Variants in TSGA10 observed in about 807,000 individuals in gnomAD.
TSGA10 encodes testis specific 10.
Under a neutral mutation model 96.6 loss-of-function variants are expected in TSGA10, and 43 were observed. That is an observed-to-expected ratio of 0.44 (90% confidence interval 0.35 to 0.57). TSGA10 has a LOEUF of 0.57. Ranked by LOEUF, TSGA10 falls within the 20% of genes least tolerant of loss-of-function variation. TSGA10 has a pLI of 0.01. For missense variants in TSGA10, 703 were observed against 834.4 expected (o/e 0.84, Z 1.94); for synonymous variants, 229 against 269.9 (o/e 0.85, Z 1.48).
chr2:99,011,347 G>T (rs560444973), intron 20 of TSGA10, among the ~76,000 whole-genome samples: 1,730 of 152,214 alleles, frequency 0.011, 33 homozygotes, highest in African/African-American at 0.039. Context: ...GGCCAGGCTG[G>T]TCTTGAACTC....
At chr2:99,045,453 T>C (rs2082669757) in intron 16 of TSGA10, among the ~76,000 whole-genome samples, 1 of 152,192 alleles carries the variant, frequency 6.6e-6, no homozygotes. Flanking sequence ...AAAAGAATTT[T>C]CAACGCAGAA....
At chr2:99,109,680 T>C (rs963242464) in intron 5 of TSGA10, 168 bp from the exon 6 acceptor site, 1 of 376,918 alleles carries the variant, frequency 2.7e-6, no homozygotes, top group Non-Finnish European at 4.2e-6. Flanking sequence ...AAATACAACA[T>C]TTAAAAAATT....
chr2:99,101,141 T>G (rs2090666355), intron 10 of TSGA10, among the ~76,000 whole-genome samples: 1 of 142,968 alleles, frequency 7.0e-6, no homozygotes, highest in Non-Finnish European at 1.5e-5. Context: ...GGCGGGCACC[T>G]GCTAAGGCAG....
rs141486016 is a variant in TSGA10, at chr2:99,115,426, T to C, written c.-140+2118A>G. Among the ~76,000 whole-genome samples, 1,005 of 152,136 alleles carry C rather than the reference T, an allele frequency of 6.6e-3. 13 individuals carry two copies. Among genetic ancestry groups the C allele is most frequent in the African/African-American group, 0.023 (973 of 41,490 alleles). On this transcript the variant is annotated intron_variant, in intron 4 of 20. Coordinates refer to ENST00000393483, the MANE Select transcript of TSGA10 (RefSeq NM_025244.4). Reference sequence around the variant, plus strand: ...AAAATATTCAAGCTACTTTTAAATATCCTTCAAATACTTTAACAGCATCCA... The same window carrying C: ...AAAATATTCAAGCTACTTTTAAATACCCTTCAAATACTTTAACAGCATCCA...
intron 16 of TSGA10, among the ~76,000 whole-genome samples, chr2:99,038,903 C>T (rs2081923732): frequency 6.6e-6 from 1 of 152,038 alleles, no homozygotes; most frequent in Admixed American, 6.5e-5. Flanking sequence ...AAACAAGTCT[C>T]AATAAATTTT....
At chr2:99,001,533 A>G (rs2077905273) in intron 20 of TSGA10, among the ~76,000 whole-genome samples, 1 of 152,234 alleles carries the variant, frequency 6.6e-6, no homozygotes, top group South Asian at 2.1e-4. Flanking sequence ...GGGAGAAACC[A>G]GAGCAGAAAA....
intron 1 of TSGA10, among the ~76,000 whole-genome samples, chr2:99,148,741 T>G (rs2093657736): frequency 6.6e-6 from 1 of 152,178 alleles, no homozygotes; most frequent in South Asian, 2.1e-4. Flanking sequence ...GGAGCTGAGG[T>G]GGGTGGATCA....
intron 12 of TSGA10, among the ~76,000 whole-genome samples, chr2:99,078,261 A>G (rs1444766373): frequency 8.1e-6 from 1 of 124,214 alleles, no homozygotes; most frequent in Admixed American, 9.3e-5. Context: ...AGGGAGGAAG[A>G]CTCCCGTTTG....
chr2:99,086,953 C>T (rs1454061631), intron 10 of TSGA10, among the ~76,000 whole-genome samples: 3 of 151,898 alleles, frequency 2.0e-5, no homozygotes, highest in South Asian at 2.1e-4. Context: ...GCCTGTAATC[C>T]CAGCACTTTG....
At position 98,997,558 on chromosome 2, in the gene TSGA10, T is replaced by C. The variant is rs1024498244; in HGVS notation, c.*639A>G. 2.6e-5 allele frequency: 4 copies of C among 152,178 alleles called. No homozygotes were observed. The highest frequency in any genetic ancestry group is 7.2e-5 in the African/African-American group (3 of 41,464). 9.4% of individuals were successfully genotyped at this position (152,178 alleles called of 1,614,324 possible). Reference sequence around the variant, plus strand: ...TAAAATCTTACATTCTTGACAGATATACCATCACCTACCTTTCTAAAAGCA... The same window carrying C: ...TAAAATCTTACATTCTTGACAGATACACCATCACCTACCTTTCTAAAAGCA... On this transcript the variant is annotated 3_prime_UTR_variant, in exon 21 of 21. Coordinates refer to ENST00000393483, the MANE Select transcript of TSGA10 (RefSeq NM_025244.4).
At chr2:99,067,593 C>T (rs1193232878) in intron 15 of TSGA10, among the ~76,000 whole-genome samples, 1 of 152,128 alleles carries the variant, frequency 6.6e-6, no homozygotes, top group Non-Finnish European at 1.5e-5. Flanking sequence ...TGGCTCATGC[C>T]TGTAATCCCA....
At chr2:99,112,345 C>T (rs569371711) in intron 4 of TSGA10, among the ~76,000 whole-genome samples, 47 of 152,260 alleles carry the variant, frequency 3.1e-4, no homozygotes, top group African/African-American at 1.1e-3. Flanking sequence ...GGAGCGCTCA[C>T]GTTCTAAGCA....
At chr2:99,137,642 G>C (rs1385290846) in intron 1 of TSGA10, among the ~76,000 whole-genome samples, 2 of 151,948 alleles carry the variant, frequency 1.3e-5, no homozygotes, top group Admixed American at 6.6e-5. Context: ...TATCAGTGTG[G>C]AGAATAGGTT....
chr2:99,035,410 G>A lies in TSGA10; in HGVS notation c.1434C>T (p.Ser478=), dbSNP rs748561588. ...QHLNAERSYK[S]QISTLHKSVV... is the part of the protein sequence containing the mutation. ...CAGATTTATGTAAGGTAGAAATCTG[G>A]GACTTGTAAGACCTTTCTGCATTTA... is the stretch of plus-strand genomic sequence containing the variant. Residue 478 remains serine, a synonymous_variant, in exon 17 of 21, where the codon TCC becomes TCT. Coordinates refer to ENST00000393483, the MANE Select transcript of TSGA10 (RefSeq NM_025244.4). 36 of 1,610,378 alleles carry A rather than the reference G, an allele frequency of 2.2e-5. No individual in the cohort carries two copies. The highest frequency in any genetic ancestry group is 2.8e-5 in the Non-Finnish European group (33 of 1,178,062).
At chr2:99,058,602 G>C (rs1001149317) in intron 16 of TSGA10, among the ~76,000 whole-genome samples, 6 of 152,084 alleles carry the variant, frequency 3.9e-5, no homozygotes, top group Non-Finnish European at 7.4e-5. Context: ...GAAGAGAATA[G>C]AGAAATGCTA....
intron 16 of TSGA10, among the ~76,000 whole-genome samples, chr2:99,064,706 G>A (rs2085069931): frequency 6.6e-6 from 1 of 152,064 alleles, no homozygotes; most frequent in African/African-American, 2.4e-5. Context: ...GCACTTTTAT[G>A]GTATGTTTGA....
At chr2:99,018,466 T>C in intron 19 of TSGA10, 70 bp downstream of exon 19, 1 of 1,572,604 alleles carries the variant, frequency 6.4e-7, no homozygotes, top group Non-Finnish European at 8.7e-7. Flanking sequence ...TAAAACCTCT[T>C]GTTACCTAAG....
chr2:99,047,642 G>A lies in TSGA10; in HGVS notation c.1405-12203C>T, dbSNP rs546501135. On this transcript the variant is annotated intron_variant, in intron 16 of 20. Coordinates refer to ENST00000393483, the MANE Select transcript of TSGA10 (RefSeq NM_025244.4). ...CATAATGAATGTGCAAAAACTGGAA[G>A]CATTCCCTTTGAAGACTGGCACAAG... 1.1e-3 allele frequency among the ~76,000 whole-genome samples: 165 copies of A among 152,266 alleles called. 1 individual carries two copies. The highest frequency in any genetic ancestry group is 3.8e-3 in the African/African-American group (159 of 41,564).
chr2:99,060,810 G>A (rs922837450), intron 16 of TSGA10, among the ~76,000 whole-genome samples: 1 of 152,110 alleles, frequency 6.6e-6, no homozygotes, highest in Non-Finnish European at 1.5e-5. Flanking sequence ...TGAAAAATTT[G>A]TAGATAATTC....
Sources: allele counts gnomAD v4.1 joint callset (sites outside exome capture counted in the v4.1 genomes callset), GRCh38; gene constraint gnomAD v4.1.1; transcripts MANE v1.5; gene names NCBI Gene and HGNC (gene_info 2026-07-23, HGNC 2026-07-21).